Variants in CFAP45 observed in about 807,000 individuals in gnomAD.
CFAP45 encodes the protein cilia- and flagella-associated protein 45.
Under a neutral mutation model 75.6 loss-of-function variants are expected in CFAP45, and 43 were observed. That is an observed-to-expected ratio of 0.57 (90% confidence interval 0.45 to 0.73). The LOEUF is 0.73. Among genes scored for constraint, CFAP45 ranks in the 30% least tolerant of loss-of-function variants. CFAP45 has a pLI of 0.00. For missense variants in CFAP45, 689 were observed against 701.5 expected, an observed-to-expected ratio of 0.98 and a Z score of 0.20; for synonymous variants, 223 against 244.6, an observed-to-expected ratio of 0.91 and a Z score of 0.82.
At chr1:159,884,376 T>C (rs1028154261) in intron 7 of CFAP45, 60 bp downstream of exon 7, 15 of 1,533,714 alleles carry the variant, frequency 9.8e-6, no homozygotes, top group Non-Finnish European at 4.4e-6. Context: ...AACCCCAGAG[T>C]CTTGAAGGGT....
At chr1:159,879,296 C>A (rs1649491176) in intron 8 of CFAP45, among the ~76,000 whole-genome samples, 1 of 152,192 alleles carries the variant, frequency 6.6e-6, no homozygotes, top group Non-Finnish European at 1.5e-5. Context: ...AATATGTGCA[C>A]TAACTCCTAC....
chr1:159,876,796 G>A (rs746637470), intron 9 of CFAP45, 47 bp from the exon 10 acceptor site: 1 of 1,604,920 alleles, frequency 6.2e-7, no homozygotes, highest in East Asian at 2.2e-5. Context: ...ATAGCTGGAA[G>A]TACAGACCAA....
intron 1 of CFAP45, among the ~76,000 whole-genome samples, chr1:159,899,252 C>A (rs542300933): frequency 6.6e-6 from 1 of 152,270 alleles, no homozygotes; most frequent in Non-Finnish European, 1.5e-5. Flanking sequence ...CCGGGCCTTG[C>A]AAACCTGAGA....
At chr1:159,882,211 C>T (rs1179670845) in intron 7 of CFAP45, among the ~76,000 whole-genome samples, 1 of 152,172 alleles carries the variant, frequency 6.6e-6, no homozygotes, top group African/African-American at 2.4e-5. Context: ...TTTTCCCTTT[C>T]TGCCCCTCCA....
At chr1:159,893,108 T>C in intron 2 of CFAP45, 72 bp downstream of exon 2, 1 of 1,569,628 alleles carries the variant, frequency 6.4e-7, no homozygotes. Context: ...CAGCAGAAGC[T>C]TTGCCCTGAG....
intron 6 of CFAP45, among the ~76,000 whole-genome samples, chr1:159,885,849 G>A (rs1183175994): frequency 6.6e-5 from 10 of 152,046 alleles, no homozygotes; most frequent in Non-Finnish European, 1.5e-5. Flanking sequence ...TAAAGGGAAG[G>A]AGACAGCATT....
At chr1:159,874,129 C>T (rs1163172309) in intron 10 of CFAP45, among the ~76,000 whole-genome samples, 1 of 152,120 alleles carries the variant, frequency 6.6e-6, no homozygotes, top group East Asian at 1.9e-4. Flanking sequence ...AAATGAAATG[C>T]ATTCGCATCT....
intron 8 of CFAP45, among the ~76,000 whole-genome samples, chr1:159,878,041 G>A (rs1204232224): frequency 6.6e-6 from 1 of 152,176 alleles, no homozygotes; most frequent in Non-Finnish European, 1.5e-5. Context: ...TTATAGATGA[G>A]GAAACGGATG....
Position 159,876,610 on chromosome 1 carries a change from T to C in CFAP45, c.1298A>G (p.His433Arg), listed in dbSNP as rs201121537. 6.2e-7 allele frequency: 1 copy of C among 1,614,188 alleles called. No individual in the cohort carries two copies. Among genetic ancestry groups the C allele is most frequent in the Non-Finnish European group, 8.5e-7 (1 of 1,180,028 alleles). The change falls in exon 10 of 12, where the codon CAC becomes CGC. Residue 433 changes from histidine (H) to arginine (R), a missense_variant. His to Arg is a conservative substitution (Grantham distance 29, BLOSUM62 0). Transcript: ENST00000368099. ...CCGTTGCACCTGAACAGCCAGAGCG[T>C]GCTCCTTGAAAGCCACCTGTTCGAG... is the stretch of plus-strand genomic sequence containing the variant. ...SRLEQVAFKE[H>R]ALAVQVQRDR...
At chr1:159,888,170 C>T (rs1649739268) in intron 4 of CFAP45, among the ~76,000 whole-genome samples, 159 bp from the exon 5 acceptor site, 1 of 152,308 alleles carries the variant, frequency 6.6e-6, no homozygotes, top group African/African-American at 2.4e-5. Context: ...CTCAGCCCTC[C>T]CCTTGGCCCC....
chr1:159,899,545 G>T (rs1650024322), intron 1 of CFAP45, among the ~76,000 whole-genome samples: 2 of 142,532 alleles, frequency 1.4e-5, no homozygotes, highest in South Asian at 4.5e-4. Context: ...TCGGCTCACT[G>T]CAAGCTCCGC....
Position 159,894,298 on chromosome 1 carries a change from A to T in CFAP45, c.4-993T>A, listed in dbSNP as rs542149018. The stretch of plus-strand genomic sequence containing the variant: ...CTAGTACCAGTTTCCCAAGAGGACA[A>T]TCTCTTGTGGGGCAACTTGGGCTTG... On this transcript the variant is annotated intron_variant, in intron 1 of 11. Coordinates refer to ENST00000368099, the MANE Select transcript of CFAP45 (RefSeq NM_012337.3). Among the ~76,000 whole-genome samples the T allele has an allele frequency of 6.6e-5, 10 of 152,286 alleles. 2 individuals carry two copies. The highest frequency in any genetic ancestry group is 2.4e-4 in the African/African-American group (10 of 41,558).
Position 159,885,309 on chromosome 1 carries a change from C to A in CFAP45, c.768-744G>T, listed in dbSNP as rs372579968. ...AGCTGTTTATGCAGAAGATGGACAG[C>A]CACTTAGCCACTCAGTAACCTTTCA... On this transcript the variant is annotated intron_variant, in intron 6 of 11. Coordinates refer to ENST00000368099, the MANE Select transcript of CFAP45 (RefSeq NM_012337.3). Among the ~76,000 whole-genome samples, 18 of 152,280 alleles carry A rather than the reference C, an allele frequency of 1.2e-4. No homozygotes were observed. In the South Asian group the frequency reaches 1.9e-3, roughly 16 times the overall value.
chr1:159,882,491 C>T (rs2101844806), intron 7 of CFAP45, among the ~76,000 whole-genome samples: 1 of 152,186 alleles, frequency 6.6e-6, no homozygotes, highest in Non-Finnish European at 1.5e-5. Context: ...CTTTTGAAGC[C>T]CTTCCAAAGC....
chr1:159,872,458 G>A lies in CFAP45; in HGVS notation c.*27C>T, dbSNP rs1383911331. 2 of 1,588,234 alleles carry A rather than the reference G, an allele frequency of 1.3e-6. No individual in the cohort carries two copies. The highest frequency in any genetic ancestry group is 8.6e-7 in the Non-Finnish European group (1 of 1,156,336). The stretch of plus-strand genomic sequence containing the variant: ...ACTGGGCAGAATCTGTCCCCCGAAG[G>A]CATCCTGAGGGCCACGAAGGCTCCC... On this transcript the variant is annotated 3_prime_UTR_variant, in exon 12 of 12. Transcript: ENST00000368099.
intron 8 of CFAP45, among the ~76,000 whole-genome samples, chr1:159,878,776 A>AAAAAAAAAAAAAAAAAAAAAAAAC: frequency 7.4e-6 from 1 of 134,926 alleles, no homozygotes; most frequent in Non-Finnish European, 1.6e-5. Context: ...AAAAAAAAAA[A>AAAAAAAAAAAAAAAAAAAAAAAAC]AAAAAACCTT....
At chr1:159,872,821 G>A in intron 11 of CFAP45, 123 bp downstream of exon 11, 1 of 979,528 alleles carries the variant, frequency 1.0e-6, no homozygotes, top group Non-Finnish European at 1.5e-6. Context: ...GTGGGGAGAA[G>A]AGCCTCTCCC....
chr1:159,895,633 T>C (rs919996685), intron 1 of CFAP45, among the ~76,000 whole-genome samples: 17 of 152,344 alleles, frequency 1.1e-4, no homozygotes, highest in African/African-American at 3.6e-4. Flanking sequence ...CCCAATACTG[T>C]AGAGCAGAAA....
chr1:159,873,353 C>A (rs1281436320), intron 10 of CFAP45, 185 bp from the exon 11 acceptor site: 5 of 602,752 alleles, frequency 8.3e-6, no homozygotes, highest in Non-Finnish European at 8.8e-6. Context: ...ATGCATGCCC[C>A]CTTCTCCTAC....
Sources: allele counts gnomAD v4.1 joint callset (sites outside exome capture counted in the v4.1 genomes callset), GRCh38; gene constraint gnomAD v4.1.1; transcripts MANE v1.5; gene names NCBI Gene and HGNC (gene_info 2026-07-23, HGNC 2026-07-21).